OR3A2: variants seen among roughly 807,000 people sequenced by gnomAD.
The protein encoded by OR3A2 is olfactory receptor 3A2.
For synonymous variants in OR3A2, 126 were observed against 159.3 expected (o/e 0.79, Z 1.57); for missense variants, 318 against 392.8 (o/e 0.81, Z 1.61).
At chr17:3,282,766 T>C (rs2150617362) in intron 1 of OR3A2, among the ~76,000 whole-genome samples, 2 of 152,340 alleles carry the variant, frequency 1.3e-5, no homozygotes, top group Middle Eastern at 6.8e-3. Context: ...ACATATGTTA[T>C]ATTAAAGGAT....
intron 2 of OR3A2, among the ~76,000 whole-genome samples, chr17:3,367,854 C>G (rs576206550): frequency 1.3e-5 from 2 of 152,010 alleles, no homozygotes; most frequent in East Asian, 3.9e-4. Flanking sequence ...TACCAGTTTA[C>G]ACTCCCACCA....
At chr17:3,360,268 G>GTTTGT (rs1555529649) in intron 2 of OR3A2, among the ~76,000 whole-genome samples, 1 of 151,382 alleles carries the variant, frequency 6.6e-6, no homozygotes, top group African/African-American at 2.4e-5. Context: ...TGATGGGGTT[G>GTTTGT]TTTTTTTCTT....
chr17:3,364,917 A>T (rs1352773877), intron 2 of OR3A2, among the ~76,000 whole-genome samples: 1 of 28,384 alleles, frequency 3.5e-5, no homozygotes, highest in African/African-American at 1.8e-4. Flanking sequence ...GCACTAAGGT[A>T]AAAAAAAAAA....
chr17:3,366,598 G>A lies in OR3A2; in HGVS notation c.-179+17206C>T, dbSNP rs373667451. Among the ~76,000 whole-genome samples, 8 of 152,254 alleles carry A rather than the reference G, an allele frequency of 5.3e-5. No individual in the cohort carries two copies. In the South Asian group the frequency reaches 8.3e-4, roughly 16 times the overall value. On this transcript the variant is annotated intron_variant, in intron 2 of 4. Coordinates refer to the OR3A2 transcript ENST00000573491. Reference sequence around the variant, plus strand: ...ATGATTAACAACCCCAAGAACATCCGATACTCTCTACCTTACCCCTATTAT... The same window carrying A: ...ATGATTAACAACCCCAAGAACATCCAATACTCTCTACCTTACCCCTATTAT...
chr17:3,331,793 G>T (rs1255101418), intron 3 of OR3A2, among the ~76,000 whole-genome samples: 1 of 151,992 alleles, frequency 6.6e-6, no homozygotes, highest in South Asian at 2.1e-4. Context: ...GAGGCGCTCT[G>T]CATTTTAGAG....
chr17:3,276,312 A>C (rs2048734700), downstream of OR3A2, among the ~76,000 whole-genome samples: 1 of 152,184 alleles, frequency 6.6e-6, no homozygotes, highest in African/African-American at 2.4e-5. Context: ...TGCAGGAAAA[A>C]CAGGAAGCAG....
intron 3 of OR3A2, among the ~76,000 whole-genome samples, chr17:3,306,410 TG>T (rs1217577557): frequency 6.6e-6 from 1 of 152,040 alleles, no homozygotes; most frequent in Non-Finnish European, 1.5e-5. Context: ...CCCAAACTGT[TG>T]GGATTAGAGG....
intron 2 of OR3A2, among the ~76,000 whole-genome samples, chr17:3,349,292 A>G (rs1384647138): frequency 6.6e-6 from 1 of 152,162 alleles, no homozygotes; most frequent in Admixed American, 6.6e-5. Context: ...AACCCATCTC[A>G]CGGGCAGAGA....
chr17:3,325,364 C>T (rs1462872648), intron 3 of OR3A2, among the ~76,000 whole-genome samples: 1 of 151,838 alleles, frequency 6.6e-6, no homozygotes, highest in Non-Finnish European at 1.5e-5. Context: ...TGCATACCAT[C>T]ACACCTGGCT....
intron 2 of OR3A2, among the ~76,000 whole-genome samples, chr17:3,341,210 CTCTT>C (rs2150647570): frequency 6.6e-6 from 1 of 152,280 alleles, no homozygotes; most frequent in African/African-American, 2.4e-5. Flanking sequence ...TGGGTCTTGA[CTCTT>C]TATTCAATTT....
At chr17:3,363,235 C>T (rs1323689382) in intron 2 of OR3A2, among the ~76,000 whole-genome samples, 1 of 151,514 alleles carries the variant, frequency 6.6e-6, no homozygotes, top group Non-Finnish European at 1.5e-5. Context: ...AACTTTTATG[C>T]TCTATTTCTT....
chr17:3,304,227 G>A (rs2048986080), intron 3 of OR3A2, among the ~76,000 whole-genome samples: 1 of 152,040 alleles, frequency 6.6e-6, no homozygotes, highest in African/African-American at 2.4e-5. Context: ...TTTCTCTCCG[G>A]ATGTTAGAGT....
At chr17:3,339,602 C>G (rs1043018643) in intron 2 of OR3A2, among the ~76,000 whole-genome samples, 1 of 151,796 alleles carries the variant, frequency 6.6e-6, no homozygotes, top group Non-Finnish European at 1.5e-5. Flanking sequence ...GTTGAACCAG[C>G]CTTGCATCCC....
At chr17:3,366,079 GA>G (rs2049560424) in intron 2 of OR3A2, among the ~76,000 whole-genome samples, 1 of 152,310 alleles carries the variant, frequency 6.6e-6, no homozygotes, top group East Asian at 1.9e-4. Flanking sequence ...CTAGTTAGCG[GA>G]AAACGTCTGA....
At chr17:3,299,305 G>A (rs1234157081) in intron 3 of OR3A2, among the ~76,000 whole-genome samples, 2 of 152,158 alleles carry the variant, frequency 1.3e-5, no homozygotes, top group Non-Finnish European at 2.9e-5. Flanking sequence ...AGACAAAAGG[G>A]AGAAGCTTTC....
intron 2 of OR3A2, among the ~76,000 whole-genome samples, chr17:3,349,651 G>A (rs1490509222): frequency 2.8e-4 from 43 of 151,740 alleles, no homozygotes; most frequent in Non-Finnish European, 5.9e-4. Context: ...AGGATACCCA[G>A]GAATTGAACT....
chr17:3,380,749 G>A (rs987205128), intron 2 of OR3A2, among the ~76,000 whole-genome samples: 14 of 152,182 alleles, frequency 9.2e-5, no homozygotes, highest in African/African-American at 3.4e-4. Flanking sequence ...GCTGGCCAAG[G>A]AGAGACTGGA....
intron 3 of OR3A2, among the ~76,000 whole-genome samples, chr17:3,322,968 G>C (rs1301066194): frequency 1.3e-5 from 2 of 152,022 alleles, no homozygotes; most frequent in Non-Finnish European, 2.9e-5. Context: ...TTGACAGTGG[G>C]GTGTTAAAGT....
chr17:3,323,978 G>C (rs566531378), intron 3 of OR3A2, among the ~76,000 whole-genome samples: 1 of 152,038 alleles, frequency 6.6e-6, no homozygotes, highest in East Asian at 1.9e-4. Flanking sequence ...CATTCTCCCC[G>C]TCATTTTCAG....
Sources: gnomAD v4.1 joint callset for allele counts (sites outside exome capture counted in the v4.1 genomes callset) on GRCh38, gnomAD v4.1.1 for gene constraint, MANE v1.5 for transcripts, NCBI Gene and HGNC (gene_info 2026-07-23, HGNC 2026-07-21) for gene names.